The following CLEC20A variants were observed in gnomAD, a reference collection of about 807,000 sequenced individuals.
The protein encoded by CLEC20A is C-type lectin domain containing 20A.
At chr1:178,496,173 C>G (rs1482315132) in intron 1 of CLEC20A, 1 of 152,426 alleles carries the variant, frequency 6.6e-6, no homozygotes, top group East Asian at 1.9e-4. Context: ...GGCACCCCAG[C>G]CCCATGCAGG....
chr1:178,485,319 T>C (rs942301469), intron 5 of CLEC20A, among the ~76,000 whole-genome samples: 2 of 152,172 alleles, frequency 1.3e-5, no homozygotes, highest in African/African-American at 4.8e-5. Flanking sequence ...GATCAAGTCC[T>C]TCAGATTTTG....
chr1:178,492,512 G>T, exon 3 of CLEC20A: 1 of 398,562 alleles, frequency 2.5e-6, no homozygotes. Context: ...TGGCTTTGGA[G>T]AGGTGGTCAG....
At chr1:178,489,806 A>G (rs1572157988) in intron 4 of CLEC20A, among the ~76,000 whole-genome samples, 2 of 152,316 alleles carry the variant, frequency 1.3e-5, no homozygotes, top group East Asian at 3.9e-4. Context: ...CCAATAACGC[A>G]TTGCTCTTGC....
At chr1:178,497,676 G>A (rs368762549), upstream of CLEC20A, among the ~76,000 whole-genome samples, 69 of 152,300 alleles carry the variant, frequency 4.5e-4, no homozygotes, top group African/African-American at 1.5e-3. Context: ...GAAGGCTCCC[G>A]GGGACACATA....
At position 178,492,988 on chromosome 1, in the gene CLEC20A, G is replaced by A. The variant is rs552313506; in HGVS notation, c.398-422C>T. ...AGGACAGGATTCTAAGTGCTGCCAG[G>A]TCCTCCTGATTCTTTTGTTTACAGG... On this transcript the variant is annotated intron_variant, in intron 2 of 7. Transcript: ENST00000623247. Among the ~76,000 whole-genome samples the A allele has an allele frequency of 2.6e-5, 4 of 152,326 alleles. No individual in the cohort carries two copies. In the South Asian group the frequency reaches 8.3e-4, roughly 32 times the overall value.
At chr1:178,496,958 C>T (rs541172271), upstream of CLEC20A, 157 of 400,054 alleles carry the variant, frequency 3.9e-4, no homozygotes, top group East Asian at 4.5e-3. Context: ...ACTGGCTGGG[C>T]GATGGCTGGG....
intron 7 of CLEC20A, chr1:178,481,730 G>A (rs1413461372): frequency 6.6e-6 from 1 of 152,206 alleles, no homozygotes; most frequent in Admixed American, 6.5e-5. Flanking sequence ...GCTGAGGCAG[G>A]AGTATTGCTT....
intron 5 of CLEC20A, among the ~76,000 whole-genome samples, chr1:178,486,281 G>A (rs749797113): frequency 2.0e-5 from 3 of 152,128 alleles, no homozygotes; most frequent in Non-Finnish European, 2.9e-5. Context: ...AGCACACAAC[G>A]CGCCCACACC....
At chr1:178,485,396 C>T (rs892928771) in intron 5 of CLEC20A, among the ~76,000 whole-genome samples, 56 of 152,150 alleles carry the variant, frequency 3.7e-4, no homozygotes, top group African/African-American at 1.1e-3. Context: ...CTACACCAGT[C>T]GCATCAAACT....
chr1:178,487,030 G>A, intron 5 of CLEC20A: 1 of 391,462 alleles, frequency 2.6e-6, no homozygotes. Flanking sequence ...GCCCTGCGAG[G>A]CGCCCACGGG....
chr1:178,494,582 G>A (rs1649342026), exon 2 of CLEC20A: 9 of 399,372 alleles, frequency 2.3e-5, no homozygotes, highest in Non-Finnish European at 3.1e-5. Context: ...CCACTCCAGG[G>A]CTGTGAAGGT....
intron 4 of CLEC20A, among the ~76,000 whole-genome samples, chr1:178,488,920 G>A (rs1030139948): frequency 5.3e-5 from 8 of 152,332 alleles, no homozygotes; most frequent in South Asian, 4.1e-4. Context: ...TGTGGTTGCC[G>A]GTGGGGCGGA....
chr1:178,479,108 C>G (rs1054348234), downstream of CLEC20A: 1 of 152,820 alleles, frequency 6.5e-6, no homozygotes, highest in Non-Finnish European at 1.5e-5. Context: ...AATTTGAAAT[C>G]TCTTTAATAA....
chr1:178,494,703 G>A (rs1335905576), exon 2 of CLEC20A: 7 of 399,214 alleles, frequency 1.8e-5, no homozygotes, highest in Admixed American at 4.4e-5. Context: ...CTTGGCTGCA[G>A]GTCAGCGAGG....
Position 178,496,925 on chromosome 1 carries a change from C to T in CLEC20A, c.15G>A (p.Ala5=), listed in dbSNP as rs558784045. 1.2e-4 allele frequency: 47 copies of T among 399,356 alleles called. No individual in the cohort carries two copies. The South Asian group carries it at 2.9e-3, about 25-fold the overall frequency. The allele number at this position is 399,356 out of a possible 1,614,324, so 24.7% of individuals were successfully genotyped here. The change falls in exon 1 of 8, where the codon GCG becomes GCA. Residue 5 remains alanine, a synonymous_variant. Coordinates refer to ENST00000623247, the Ensembl canonical transcript of CLEC20A. ...CTGCTGCGCAGAAGGAGAGCAGCAG[C>T]GCCCGGGGCAGCATGGCTGGGCACT... is the stretch of plus-strand genomic sequence containing the variant.
At chr1:178,481,495 G>A (rs1648984930) in intron 7 of CLEC20A, 1 of 152,204 alleles carries the variant, frequency 6.6e-6, no homozygotes, top group African/African-American at 2.4e-5. Context: ...ATATAATTGA[G>A]AAATGTGTCC....
chr1:178,484,003 A>C (rs1232610589), intron 5 of CLEC20A: 3 of 152,208 alleles, frequency 2.0e-5, no homozygotes, highest in Non-Finnish European at 2.9e-5. Context: ...TGTTAATTTG[A>C]ATGTGTAAAG....
intron 3 of CLEC20A, among the ~76,000 whole-genome samples, 183 bp downstream of exon 3, chr1:178,492,318 A>T (rs968084475): frequency 1.3e-5 from 2 of 152,012 alleles, no homozygotes; most frequent in African/African-American, 2.4e-5. Flanking sequence ...AAGGACATTG[A>T]TTCTCCCCAT....
At chr1:178,492,108 A>G (rs1649278154) in intron 3 of CLEC20A, among the ~76,000 whole-genome samples, 1 of 151,762 alleles carries the variant, frequency 6.6e-6, no homozygotes, top group South Asian at 2.1e-4. Flanking sequence ...ACATGGCAAA[A>G]CCCCATCTCT....
Sources: gnomAD v4.1 joint callset for allele counts (sites outside exome capture counted in the v4.1 genomes callset) on GRCh38, gnomAD v4.1.1 for gene constraint, MANE v1.5 for transcripts, NCBI Gene and HGNC (gene_info 2026-07-23, HGNC 2026-07-21) for gene names.